TENM4: variants seen among roughly 807,000 people sequenced by gnomAD.
TENM4 encodes the protein teneurin-4.
In TENM4, 82 loss-of-function variants were observed where a neutral mutation model predicts 243.3. The observed-to-expected ratio is 0.34, with a 90% CI of 0.28 to 0.40. The LOEUF is 0.40. Among genes scored for constraint, TENM4 ranks in the 10% least tolerant of loss-of-function variants. The pLI is 1.00. For synonymous variants in TENM4, 1,412 were observed against 1,456.3 expected (o/e 0.97, Z 0.69); for missense variants, 3,138 against 3,673.3 (o/e 0.85, Z 3.77).
intron 6 of TENM4, among the ~76,000 whole-genome samples, chr11:78,997,120 C>G (rs1029106809): frequency 7.9e-5 from 12 of 152,156 alleles, no homozygotes; most frequent in Admixed American, 3.9e-4. Context: ...GCTGCTGAGG[C>G]CCAGGAACAT....
At chr11:78,866,206 A>G (rs192088161) in intron 9 of TENM4, among the ~76,000 whole-genome samples, 1 of 152,312 alleles carries the variant, frequency 6.6e-6, no homozygotes, top group Admixed American at 6.5e-5. Flanking sequence ...TTTATATATT[A>G]GCAACTCCAA....
At chr11:78,744,933 C>T (rs747676888) in intron 19 of TENM4, among the ~76,000 whole-genome samples, 1 of 152,110 alleles carries the variant, frequency 6.6e-6, no homozygotes, top group African/African-American at 2.4e-5. Context: ...AACCTCATAG[C>T]GAGGTTGAGG....
rs558917225 is a variant in TENM4, at chr11:79,393,288, A to G, written c.-321+47221T>C. On this transcript the variant is annotated intron_variant, in intron 1 of 33. Coordinates refer to ENST00000278550, the MANE Select transcript of TENM4 (RefSeq NM_001098816.3). ...GAGATCAAGAAATTTGCCCAAAACT[A>G]CATGACTGGCAGCTGGTGGAAGCGA... 9.9e-5 allele frequency among the ~76,000 whole-genome samples: 15 copies of G among 152,208 alleles called. No individual in the cohort carries two copies. The South Asian group carries it at 2.9e-3, about 30-fold the overall frequency.
At chr11:79,374,265 C>T (rs549683) in intron 1 of TENM4, among the ~76,000 whole-genome samples, 23,275 of 152,030 alleles carry the variant, frequency 0.15, 1,925 homozygotes, top group East Asian at 0.27. Flanking sequence ...TAGCAATACC[C>T]GTACTTTTGC....
At chr11:78,724,462 A>G (rs1000286300) in intron 23 of TENM4, among the ~76,000 whole-genome samples, 1 of 152,170 alleles carries the variant, frequency 6.6e-6, no homozygotes, top group Non-Finnish European at 1.5e-5. Flanking sequence ...AAACATCTGA[A>G]TTTACTTTAT....
At chr11:78,879,900 T>C (rs1859384907) in intron 9 of TENM4, among the ~76,000 whole-genome samples, 2 of 151,890 alleles carry the variant, frequency 1.3e-5, no homozygotes, top group Admixed American at 6.6e-5. Flanking sequence ...GTCTGGGAAG[T>C]GAGGAGCACC....
At chr11:79,237,937 C>T (rs761510195) in intron 2 of TENM4, among the ~76,000 whole-genome samples, 5 of 152,100 alleles carry the variant, frequency 3.3e-5, no homozygotes, top group African/African-American at 4.8e-5. Context: ...TCCAGATGTA[C>T]AAAGAGAATA....
rs35628974 is a variant in TENM4 at position 79,323,882 on chromosome 11, T to TACACAC, written c.-320-26345_-320-26340dup. On this transcript the variant is annotated intron_variant, in intron 1 of 33. Coordinates refer to ENST00000278550, the MANE Select transcript of TENM4 (RefSeq NM_001098816.3). ...ATCAATCTATTTTTCTCCATCCCTA[T>TACACAC]ACACACACACACACACACACATATA... Among the ~76,000 whole-genome samples the TACACAC allele has an allele frequency of 3.9e-3, 580 of 150,012 alleles. 4 individuals carry two copies. Among genetic ancestry groups the TACACAC allele is most frequent in the African/African-American group, 0.012 (510 of 40,884 alleles).
At chr11:78,825,531 TC>T (rs1304389750) in intron 12 of TENM4, among the ~76,000 whole-genome samples, 1 of 152,110 alleles carries the variant, frequency 6.6e-6, no homozygotes, top group Admixed American at 6.5e-5. Flanking sequence ...TGAGAACCGC[TC>T]GTCTGGAAGA....
At chr11:79,128,476 G>C (rs1230957197) in intron 4 of TENM4, among the ~76,000 whole-genome samples, 1 of 152,168 alleles carries the variant, frequency 6.6e-6, no homozygotes, top group Non-Finnish European at 1.5e-5. Context: ...ATGAGGAAGT[G>C]GCTCAAATGC....
At chr11:78,741,801 C>T (rs969471429) in intron 19 of TENM4, among the ~76,000 whole-genome samples, 4 of 152,268 alleles carry the variant, frequency 2.6e-5, no homozygotes, top group East Asian at 1.9e-4. Flanking sequence ...CGTAGAACTC[C>T]GCAGTGGAAG....
intron 4 of TENM4, among the ~76,000 whole-genome samples, chr11:79,087,359 T>C (rs916113970): frequency 3.9e-5 from 6 of 152,188 alleles, no homozygotes; most frequent in African/African-American, 1.4e-4. Context: ...GGGAATGTCG[T>C]TGGATGAATT....
chr11:78,664,097 C>T (rs541117687), intron 32 of TENM4, among the ~76,000 whole-genome samples: 32 of 152,262 alleles, frequency 2.1e-4, no homozygotes, highest in African/African-American at 5.1e-4. Context: ...GTGTGAACTC[C>T]GACAGTTTAC....
At chr11:79,170,654 G>A (rs1000991885) in intron 3 of TENM4, among the ~76,000 whole-genome samples, 1 of 152,144 alleles carries the variant, frequency 6.6e-6, no homozygotes, top group African/African-American at 2.4e-5. Flanking sequence ...GCCCAAGGTT[G>A]CCAGCAAACC....
chr11:79,412,347 C>A (rs1590947847), intron 1 of TENM4, among the ~76,000 whole-genome samples: 1 of 152,194 alleles, frequency 6.6e-6, no homozygotes, highest in Non-Finnish European at 1.5e-5. Context: ...TGTCTGTAAG[C>A]CCAGGACAGC....
At chr11:78,748,569 G>A (rs1412351819) in intron 19 of TENM4, among the ~76,000 whole-genome samples, 1 of 152,172 alleles carries the variant, frequency 6.6e-6, no homozygotes, top group Non-Finnish European at 1.5e-5. Context: ...AGGACTCAGC[G>A]GAGAAGAAGA....
chr11:78,748,128 T>A (rs1856093525), intron 19 of TENM4, among the ~76,000 whole-genome samples: 1 of 152,246 alleles, frequency 6.6e-6, no homozygotes, highest in Admixed American at 6.5e-5. Context: ...TTCTCAGTAG[T>A]GACGCTAAAA....
intron 2 of TENM4, among the ~76,000 whole-genome samples, chr11:79,235,304 G>T (rs533690708): frequency 1.2e-4 from 19 of 152,024 alleles, no homozygotes; most frequent in African/African-American, 4.6e-4. Flanking sequence ...GACAAGGTGA[G>T]ACTCCGTCTC....
At chr11:79,216,734 T>C (rs1260908132) in intron 2 of TENM4, among the ~76,000 whole-genome samples, 1 of 152,216 alleles carries the variant, frequency 6.6e-6, no homozygotes, top group Non-Finnish European at 1.5e-5. Context: ...GCAGGAGGCC[T>C]TTACCAGATG....
Sources: gnomAD v4.1 joint callset for allele counts (sites outside exome capture counted in the v4.1 genomes callset) on GRCh38, gnomAD v4.1.1 for gene constraint, MANE v1.5 for transcripts, NCBI Gene and HGNC (gene_info 2026-07-23, HGNC 2026-07-21) for gene names.